The following PCDHGB7 variants were observed in gnomAD, a reference collection of about 807,000 sequenced individuals.
PCDHGB7 encodes the protein protocadherin gamma subfamily B, 7, also known as protocadherin gamma-B7.
PCDHGB7 carries 37 observed loss-of-function variants against 61.4 expected under a neutral mutation model. The observed-to-expected ratio is 0.60, with a 90% CI of 0.46 to 0.79. PCDHGB7 has a LOEUF of 0.79. Among genes scored for constraint, PCDHGB7 ranks in the 30% least tolerant of loss-of-function variants. The probability of loss-of-function intolerance (pLI) is 0.00; values close to 1 mark genes in which losing one functional copy is unlikely to be tolerated. For synonymous variants in PCDHGB7, 464 were observed against 503.5 expected (o/e 0.92, Z 1.05); for missense variants, 1,166 against 1,202.5 (o/e 0.97, Z 0.45).
At chr5:141,429,489 A>G (rs2097218567) in intron 1 of PCDHGB7, among the ~76,000 whole-genome samples, 1 of 152,062 alleles carries the variant, frequency 6.6e-6, no homozygotes, top group South Asian at 2.1e-4. Context: ...AGCTGAGACT[A>G]CAGTTGCCTG....
chr5:141,433,204 C>CT, intron 1 of PCDHGB7: 2 of 1,566,944 alleles, frequency 1.3e-6, no homozygotes, highest in Admixed American at 2.0e-5. Flanking sequence ...ATCAAATCTT[C>CT]TTTCTTTTTT....
chr5:141,489,111 C>G lies in PCDHGB7; in HGVS notation c.2416-5696C>G. 1.9e-6 allele frequency: 1 copy of G among 518,042 alleles called. No individual in the cohort carries two copies. Among genetic ancestry groups the G allele is most frequent in the Non-Finnish European group, 3.2e-6 (1 of 308,182 alleles). The allele number at this position is 518,042 out of a possible 1,614,324, so 32.1% of individuals were successfully genotyped here. The stretch of plus-strand genomic sequence containing the variant: ...GTGACTAAGAACTGCTGCAAGCAGG[C>G]AAACCTCCGAGCAGTTTTTAAGAGG... On this transcript the variant is annotated intron_variant, in intron 1 of 3. Coordinates refer to ENST00000398594, the MANE Select transcript of PCDHGB7 (RefSeq NM_018927.4). This position sits in a 1 kb window ranked among gnomAD's most constrained non-coding sequence, Gnocchi z 4.5.
chr5:141,483,255 GTTTT>G (rs147039946), intron 1 of PCDHGB7, among the ~76,000 whole-genome samples: 7,425 of 152,114 alleles, frequency 0.049, 355 homozygotes, highest in African/African-American at 0.13. Context: ...ATATCATGAG[GTTTT>G]TTTGTTTTAG....
intron 1 of PCDHGB7, among the ~76,000 whole-genome samples, chr5:141,470,152 T>C (rs546219809): frequency 2.6e-5 from 4 of 152,308 alleles, no homozygotes; most frequent in African/African-American, 9.6e-5. Context: ...ATAGATCATC[T>C]TATCAAATCA....
At chr5:141,467,018 CTTTGT>C (rs1209768587) in intron 1 of PCDHGB7, among the ~76,000 whole-genome samples, 4 of 149,992 alleles carry the variant, frequency 2.7e-5, no homozygotes, top group African/African-American at 7.3e-5. Context: ...ATTTTTTTCC[CTTTGT>C]TTTTGTTTTT....
chr5:141,448,763 A>AC (rs1372638258), intron 1 of PCDHGB7, among the ~76,000 whole-genome samples: 11 of 151,572 alleles, frequency 7.3e-5, no homozygotes, highest in Admixed American at 5.3e-4. Flanking sequence ...ACACGGTGAA[A>AC]CCCCGTCTGT....
At chr5:141,466,510 AT>A (rs1222513096) in intron 1 of PCDHGB7, among the ~76,000 whole-genome samples, 1 of 151,938 alleles carries the variant, frequency 6.6e-6, no homozygotes, top group Non-Finnish European at 1.5e-5. Context: ...AGACAAGATC[AT>A]TTTTTTTCCT....
chr5:141,447,805 G>T (rs1389870133), intron 1 of PCDHGB7, among the ~76,000 whole-genome samples: 2 of 152,064 alleles, frequency 1.3e-5, no homozygotes, highest in African/African-American at 4.8e-5. Context: ...AATAAAATTG[G>T]CTGGGCGTGG....
Position 141,477,662 on chromosome 5 carries a change from A to G in PCDHGB7, c.2416-17145A>G. On this transcript the variant is annotated intron_variant, in intron 1 of 3. Transcript: ENST00000398594. The surrounding 1 kb of genome is among the most constrained non-coding windows in gnomAD (Gnocchi z 4.9). ...TCGCTATTTCACAATAAATCGTGAC[A>G]ATGGCATAGTGTCATCCTTAGTGCC... The G allele has an allele frequency of 6.2e-7, 1 of 1,614,222 alleles. No individual in the cohort carries two copies.
chr5:141,423,497 AG>A (rs1269176785), intron 1 of PCDHGB7: 1 of 1,613,940 alleles, frequency 6.2e-7, no homozygotes, highest in Non-Finnish European at 8.5e-7. Flanking sequence ...TATTCCCACG[AG>A]GTCTCTCTCA....
At chr5:141,443,538 G>C (rs768723399) in intron 1 of PCDHGB7, among the ~76,000 whole-genome samples, 11 of 152,118 alleles carry the variant, frequency 7.2e-5, no homozygotes. Flanking sequence ...TTTAAAGCTT[G>C]GGAAATTGTT....
In PCDHGB7 at chr5:141,490,925, C is replaced by T; in HGVS notation, c.2416-3882C>T. 1 of 1,613,688 alleles carries T rather than the reference C, an allele frequency of 6.2e-7. No homozygotes were observed. The highest frequency in any genetic ancestry group is 8.5e-7 in the Non-Finnish European group (1 of 1,179,700). On this transcript the variant is annotated intron_variant, in intron 1 of 3. Coordinates refer to ENST00000398594, the MANE Select transcript of PCDHGB7 (RefSeq NM_018927.4). The surrounding 1 kb of genome is among the most constrained non-coding windows in gnomAD (Gnocchi z 5.4). ...GTCCTAGACGAGAATGATAATGCCC[C>T]AGCTGTGCTGCACCCACGGCCAGAC... is the stretch of plus-strand genomic sequence containing the variant.
At chr5:141,483,603 A>T (rs1277479077) in intron 1 of PCDHGB7, among the ~76,000 whole-genome samples, 1 of 152,054 alleles carries the variant, frequency 6.6e-6, no homozygotes, top group Non-Finnish European at 1.5e-5. Context: ...AGGCTGGTTT[A>T]CACCTCCATC....
chr5:141,496,132 C>T (rs865808904), intron 2 of PCDHGB7, among the ~76,000 whole-genome samples: 1 of 152,058 alleles, frequency 6.6e-6, no homozygotes, highest in African/African-American at 2.4e-5. Flanking sequence ...CCCTCACACA[C>T]TGAGCCTTTG....
rs1327490895 is a variant in PCDHGB7, at chr5:141,487,672, G to A, written c.2416-7135G>A. The stretch of plus-strand genomic sequence containing the variant: ...AGGGTTATTCTGATCCAGGCATATG[G>A]CTAGGCCATGTCCTAGAGAGTACTG... On this transcript the variant is annotated intron_variant, in intron 1 of 3. Coordinates refer to ENST00000398594, the MANE Select transcript of PCDHGB7 (RefSeq NM_018927.4). This position sits in a 1 kb window ranked among gnomAD's most constrained non-coding sequence, Gnocchi z 5.0. 6.2e-7 allele frequency: 1 copy of A among 1,611,484 alleles called. No individual in the cohort carries two copies. Among genetic ancestry groups the A allele is most frequent in the Non-Finnish European group, 8.5e-7 (1 of 1,178,612 alleles).
In PCDHGB7 at chr5:141,423,562, A is replaced by G. The variant is rs374427537; in HGVS notation, c.2415+3288A>G. On this transcript the variant is annotated intron_variant, in intron 1 of 3. Coordinates refer to ENST00000398594, the MANE Select transcript of PCDHGB7 (RefSeq NM_018927.4). ...TTTCCCCCAGCCCAACTATGGGGAC[A>G]CGCTCATCAGCCAGGAGAGCTGTGA... is the stretch of plus-strand genomic sequence containing the variant. 7 of 1,613,498 alleles carry G rather than the reference A, an allele frequency of 4.3e-6. No homozygotes were observed. The African/African-American group carries it at 8.0e-5, about 18-fold the overall frequency.
rs116187844 is a variant in PCDHGB7, at chr5:141,424,198, C to T, written c.2415+3924C>T. The T allele has an allele frequency of 8.5e-3, 1,543 of 182,010 alleles. 28 individuals are homozygous for T. Among genetic ancestry groups the T allele is most frequent in the African/African-American group, 0.035 (1,445 of 41,852 alleles). The allele number at this position is 182,010 out of a possible 1,614,324, so 11.3% of individuals were successfully genotyped here. ...ATACACATGCACACACACTTATACA[C>T]GTAAGCTTTTCTCTGAGCAATTTTA... On this transcript the variant is annotated intron_variant, in intron 1 of 3. Coordinates refer to ENST00000398594, the MANE Select transcript of PCDHGB7 (RefSeq NM_018927.4).
At chr5:141,501,116 C>T (rs1325487254) in intron 2 of PCDHGB7, among the ~76,000 whole-genome samples, 1 of 152,154 alleles carries the variant, frequency 6.6e-6, no homozygotes, top group Non-Finnish European at 1.5e-5. Flanking sequence ...ATCCGCCTGC[C>T]TCAGCCTCCC....
At chr5:141,428,010 G>A in intron 1 of PCDHGB7, 1 of 1,603,006 alleles carries the variant, frequency 6.2e-7, no homozygotes, top group Non-Finnish European at 8.5e-7. Flanking sequence ...CTTCGATATA[G>A]TGCCACGCGC....
Sources: gnomAD v4.1 joint callset for allele counts (sites outside exome capture counted in the v4.1 genomes callset) on GRCh38, gnomAD v4.1.1 for gene constraint, Gnocchi (gnomAD v3.1) non-coding constraint, MANE v1.5 for transcripts, NCBI Gene and HGNC (gene_info 2026-07-23, HGNC 2026-07-21) for gene names.